Variants in C12orf57 observed in about 807,000 individuals in gnomAD.
C12orf57 encodes the protein chromosome 12 open reading frame 57.
A neutral mutation model predicts 11.3 loss-of-function variants in C12orf57; 14 were observed. That is an observed-to-expected ratio of 1.24 (90% confidence interval 0.82 to 1.94). C12orf57 has a LOEUF of 1.94. Ranked by LOEUF, C12orf57 falls within the 30% of genes most tolerant of loss-of-function variation. C12orf57 has a pLI of 0.00. For synonymous variants in C12orf57, 100 were observed against 74.6 expected (o/e 1.34, Z -1.76); for missense variants, 229 against 172.4 (o/e 1.33, Z -1.84).
At chr12:6,945,277 T>C (rs183087714) in intron 2 of C12orf57, among the ~76,000 whole-genome samples, 33 of 152,372 alleles carry the variant, frequency 2.2e-4, no homozygotes, top group Admixed American at 7.8e-4. Flanking sequence ...AGAGCTGGAC[T>C]TAAATGCTGT....
intron 1 of C12orf57, 148 bp from the exon 2 acceptor site, chr12:6,944,328 C>T (rs768103544): frequency 1.5e-5 from 23 of 1,566,770 alleles, no homozygotes; most frequent in African/African-American, 2.7e-5. Context: ...TACCGTCCTT[C>T]TAAGTGGGGC....
At chr12:6,943,610 A>T (rs781907301), upstream of C12orf57, 1 of 1,289,776 alleles carries the variant, frequency 7.8e-7, no homozygotes, top group East Asian at 5.5e-5. Context: ...CACCGAACTC[A>T]TTTGCATGGG....
upstream of C12orf57, chr12:6,943,895 C>G (rs144953190): frequency 4.2e-5 from 46 of 1,082,482 alleles, no homozygotes; most frequent in East Asian, 8.9e-4. Context: ...ATGTTTGTTG[C>G]CAATGATAGA....
chr12:6,944,932 A>C (rs1480358773), intron 2 of C12orf57: 1 of 1,266,484 alleles, frequency 7.9e-7, no homozygotes. Context: ...TTACATATAC[A>C]TGGATATCTT....
At chr12:6,944,886 C>T (rs1945761066) in intron 2 of C12orf57, 2 of 1,392,416 alleles carry the variant, frequency 1.4e-6, no homozygotes, top group Admixed American at 3.2e-5. Context: ...TGGTTGGGAC[C>T]GGAAGTGTTT....
chr12:6,943,869 G>T (rs782223539), upstream of C12orf57: 829 of 953,470 alleles, frequency 8.7e-4, 2 homozygotes, highest in Non-Finnish European at 1.2e-3. Context: ...CTTTTTACCG[G>T]AAAGCCCCTC....
intron 2 of C12orf57, among the ~76,000 whole-genome samples, chr12:6,945,259 C>G (rs1490795635): frequency 6.6e-6 from 1 of 152,168 alleles, no homozygotes. Context: ...TGCAGACTCT[C>G]GAGTAGCAGA....
chr12:6,943,491 T>C (rs1945679477), upstream of C12orf57: 2 of 1,273,166 alleles, frequency 1.6e-6, no homozygotes, highest in Middle Eastern at 2.2e-4. Context: ...ACAAGGCCTT[T>C]AGGAAACTGC....
At chr12:6,944,331 A>T (rs1945735080) in intron 1 of C12orf57, 145 bp from the exon 2 acceptor site, 1 of 1,564,572 alleles carries the variant, frequency 6.4e-7, no homozygotes. Flanking sequence ...CGTCCTTCTA[A>T]GTGGGGCGCT....
upstream of C12orf57, chr12:6,943,977 G>T: frequency 1.3e-6 from 2 of 1,574,550 alleles, no homozygotes; most frequent in Non-Finnish European, 8.5e-7. Context: ...GGGTATGAAG[G>T]TTTGGGCCAC....
upstream of C12orf57, chr12:6,943,807 C>A (rs782612327): frequency 1.1e-6 from 1 of 879,544 alleles, no homozygotes; most frequent in Non-Finnish European, 1.6e-6. Flanking sequence ...TCTCCAAACA[C>A]ATACGCAGCA....
At chr12:6,944,676 G>A in intron 2 of C12orf57, 24 bp downstream of exon 2, 1 of 1,603,550 alleles carries the variant, frequency 6.2e-7, no homozygotes, top group East Asian at 2.2e-5. Context: ...GGGAAGGCGG[G>A]TCAGACGCGG....
upstream of C12orf57, chr12:6,944,017 T>A (rs1311143075): frequency 1.2e-6 from 2 of 1,605,392 alleles, no homozygotes; most frequent in Non-Finnish European, 1.7e-6. Flanking sequence ...CGCCGGATGC[T>A]GTTTCCTTTC....
At chr12:6,945,001 T>G in intron 2 of C12orf57, 1 of 583,136 alleles carries the variant, frequency 1.7e-6, no homozygotes, top group Non-Finnish European at 2.7e-6. Context: ...ACGCACCTTA[T>G]GCACATAGCC....
chr12:6,945,002 G>A, intron 2 of C12orf57: 2 of 564,364 alleles, frequency 3.5e-6, no homozygotes, highest in East Asian at 3.2e-5. Context: ...CGCACCTTAT[G>A]CACATAGCCT....
chr12:6,944,704 C>A, intron 2 of C12orf57, 52 bp downstream of exon 2: 1 of 1,598,300 alleles, frequency 6.3e-7, no homozygotes, highest in South Asian at 1.1e-5. Context: ...GGAGTTGGGT[C>A]GGGAGAGGGC....
rs373573883 is a variant in C12orf57 at position 6,944,117 on chromosome 12, G to A, written c.-5G>A. 1.5e-5 allele frequency: 25 copies of A among 1,614,068 alleles called. No homozygotes were observed. Among genetic ancestry groups the A allele is most frequent in the African/African-American group, 1.1e-4 (8 of 74,928 alleles). ...CTCCGCTGAACCTAGAGCTTCAGACGCCCTATGGCGTCCGCCTCGACCCAA... is the reference window on the plus strand; with the variant it reads ...CTCCGCTGAACCTAGAGCTTCAGACACCCTATGGCGTCCGCCTCGACCCAA... On this transcript the variant is annotated 5_prime_UTR_variant, in exon 1 of 3. Transcript: ENST00000229281.
In C12orf57 at chr12:6,944,121, T is replaced by A. The variant is rs782230015; in HGVS notation, c.-1T>A. The A allele has an allele frequency of 1.9e-6, 3 of 1,614,126 alleles. No homozygotes were observed. Among genetic ancestry groups the A allele is most frequent in the Non-Finnish European group, 2.5e-6 (3 of 1,180,040 alleles). ...GCTGAACCTAGAGCTTCAGACGCCCTATGGCGTCCGCCTCGACCCAACCGG... is the reference window on the plus strand; with the variant it reads ...GCTGAACCTAGAGCTTCAGACGCCCAATGGCGTCCGCCTCGACCCAACCGG... On this transcript the variant is annotated 5_prime_UTR_variant, in exon 1 of 3. Transcript: ENST00000229281.
In C12orf57 at chr12:6,944,031, T is replaced by C. The variant is rs992223670; in HGVS notation, c.-91T>C. Reference sequence around the variant, plus strand: ...GCGCCGGATGCTGTTTCCTTTCCGCTCCCAGGGGCGTTGGGAACGGTTGTA... The same window carrying C: ...GCGCCGGATGCTGTTTCCTTTCCGCCCCCAGGGGCGTTGGGAACGGTTGTA... On this transcript the variant is annotated 5_prime_UTR_variant, in exon 1 of 3. Coordinates refer to ENST00000229281, the MANE Select transcript of C12orf57 (RefSeq NM_138425.4). The C allele has an allele frequency of 6.2e-6, 10 of 1,608,364 alleles. No homozygotes were observed. Among genetic ancestry groups the C allele is most frequent in the South Asian group, 1.1e-5 (1 of 90,838 alleles).
Sources: allele counts gnomAD v4.1 joint callset (sites outside exome capture counted in the v4.1 genomes callset), GRCh38; gene constraint gnomAD v4.1.1; transcripts MANE v1.5; gene names NCBI Gene and HGNC (gene_info 2026-07-23, HGNC 2026-07-21).